Variants in CNTNAP3 observed in about 807,000 individuals in gnomAD.
The protein encoded by CNTNAP3 is contactin associated protein family member 3, also known as contactin-associated protein-like 3.
Under a neutral mutation model 92.1 loss-of-function variants are expected in CNTNAP3, and 36 were observed. That is an observed-to-expected ratio of 0.39 (90% CI 0.30 to 0.52). The LOEUF is 0.52. CNTNAP3 is among the 20% of genes least tolerant of loss of function. The probability of loss-of-function intolerance (pLI) is 0.76; values close to 1 mark genes in which losing one functional copy is unlikely to be tolerated. For synonymous variants in CNTNAP3, 232 were observed against 422.3 expected (o/e 0.55, Z 5.53); for missense variants, 534 against 1,069.6 (o/e 0.50, Z 6.98).
chr9:39,114,722 G>C (rs1329441831), intron 14 of CNTNAP3, among the ~76,000 whole-genome samples: 2 of 152,002 alleles, frequency 1.3e-5, no homozygotes, highest in African/African-American at 2.4e-5. Flanking sequence ...ACACTTGTAT[G>C]CATTTAAACC....
At chr9:39,139,707 T>A (rs1388782451) in intron 12 of CNTNAP3, 1 of 151,966 alleles carries the variant, frequency 6.6e-6, no homozygotes, top group Non-Finnish European at 1.5e-5. Flanking sequence ...GGCATTCTAG[T>A]GCAATCTTCT....
At chr9:39,165,552 ATTTGT>A (rs1300839238) in intron 9 of CNTNAP3, among the ~76,000 whole-genome samples, 8 of 139,300 alleles carry the variant, frequency 5.7e-5, no homozygotes, top group African/African-American at 1.1e-4. Flanking sequence ...AGACAGTACG[ATTTGT>A]TTTGTTTTTA....
chr9:39,147,329 A>C (rs149087183), intron 10 of CNTNAP3, among the ~76,000 whole-genome samples: 22,583 of 151,864 alleles, frequency 0.15, 2,145 homozygotes, highest in East Asian at 0.21. Flanking sequence ...TTTTCAGGAT[A>C]CTTAAAAGTG....
At chr9:39,112,412 T>C (rs139633877) in intron 14 of CNTNAP3, among the ~76,000 whole-genome samples, 15,174 of 151,970 alleles carry the variant, frequency 0.1, 825 homozygotes, top group African/African-American at 0.15. Context: ...GTCGCCCAGG[T>C]TGGAGTGCAA....
At chr9:39,111,779 T>C (rs1826753490) in intron 14 of CNTNAP3, among the ~76,000 whole-genome samples, 1 of 152,138 alleles carries the variant, frequency 6.6e-6, no homozygotes, top group South Asian at 2.1e-4. Context: ...CAATACTGAC[T>C]GTGCAAAATA....
rs1206617495 is a variant in CNTNAP3 at position 39,072,378 on chromosome 9, GTA to G, written c.*1510_*1511del. 6.7e-6 allele frequency among the ~76,000 whole-genome samples: 1 copy of G among 149,474 alleles called. No homozygotes were observed. The highest frequency in any genetic ancestry group is 1.5e-5 in the Non-Finnish European group (1 of 67,688). Reference sequence around the variant, plus strand: ...AGTTGGTATCTGGAATATGAAGAGTGTAGCATCATTGCTTTTATGTAATTGGT... The same window carrying G: ...AGTTGGTATCTGGAATATGAAGAGTGGCATCATTGCTTTTATGTAATTGGT... On this transcript the variant is annotated 3_prime_UTR_variant, in exon 24 of 24. Transcript: ENST00000297668.
intron 14 of CNTNAP3, among the ~76,000 whole-genome samples, chr9:39,115,562 A>T (rs1276938845): frequency 3.8e-5 from 5 of 133,242 alleles, no homozygotes; most frequent in African/African-American, 5.7e-5. Context: ...TTGTGGTCTT[A>T]CTGTTGGATA....
In CNTNAP3 at chr9:39,130,934, C is replaced by T. The variant is rs1176881308; in HGVS notation, c.2080+1998G>A. On this transcript the variant is annotated intron_variant, in intron 13 of 23. Coordinates refer to ENST00000297668, the MANE Select transcript of CNTNAP3 (RefSeq NM_033655.5). ...GGGTGGGGGAACTGCTTAACGGCTA[C>T]TCGGGTTCTCTCTGTTACTTCTCAC... is the stretch of plus-strand genomic sequence containing the variant. 7.3e-5 allele frequency among the ~76,000 whole-genome samples: 11 copies of T among 151,078 alleles called. No individual in the cohort carries two copies. The South Asian group carries it at 1.5e-3, about 21-fold the overall frequency.
At chr9:39,141,950 T>C (rs1423062761) in intron 11 of CNTNAP3, among the ~76,000 whole-genome samples, 1 of 152,180 alleles carries the variant, frequency 6.6e-6, no homozygotes, top group Non-Finnish European at 1.5e-5. Context: ...GTTATACAAT[T>C]AGAAATACAA....
At chr9:39,099,656 G>C in intron 18 of CNTNAP3, among the ~76,000 whole-genome samples, 1 of 152,118 alleles carries the variant, frequency 6.6e-6, no homozygotes, top group Non-Finnish European at 1.5e-5. Context: ...TATTTCAAGA[G>C]GATTAGCATT....
At chr9:39,123,266 T>G (rs1001562856) in intron 13 of CNTNAP3, among the ~76,000 whole-genome samples, 17 of 152,032 alleles carry the variant, frequency 1.1e-4, no homozygotes, top group Non-Finnish European at 4.4e-5. Context: ...GGCTAATTTT[T>G]TGTATTTTTA....
rs1430215110 is a variant in CNTNAP3 at position 39,119,757 on chromosome 9, C to T, written c.2081-1498G>A. Among the ~76,000 whole-genome samples, 3 of 151,932 alleles carry T rather than the reference C, an allele frequency of 2.0e-5. 1 individual carries two copies. Among genetic ancestry groups the T allele is most frequent in the Admixed American group, 1.3e-4 (2 of 15,256 alleles). On this transcript the variant is annotated intron_variant, in intron 13 of 23. Transcript: ENST00000297668. Reference sequence around the variant, plus strand: ...TTCTGGAAATAATACAGAAGACAACCGAAGAGAATTCTGAAAGGTAGAAAG... The same window carrying T: ...TTCTGGAAATAATACAGAAGACAACTGAAGAGAATTCTGAAAGGTAGAAAG...
intron 17 of CNTNAP3, among the ~76,000 whole-genome samples, chr9:39,100,995 G>A (rs1826443740): frequency 6.6e-6 from 1 of 151,020 alleles, no homozygotes; most frequent in Middle Eastern, 3.4e-3. Context: ...TGATTCTGAA[G>A]CCAGTGATTC....
chr9:39,116,880 G>A (rs1820870755), intron 14 of CNTNAP3, among the ~76,000 whole-genome samples: 1 of 152,060 alleles, frequency 6.6e-6, no homozygotes, highest in Non-Finnish European at 1.5e-5. Context: ...TACCATGCAG[G>A]CCAAACAACT....
chr9:39,256,484 G>A (rs1314405582), intron 2 of CNTNAP3, among the ~76,000 whole-genome samples: 2 of 18,702 alleles, frequency 1.1e-4, no homozygotes, highest in African/African-American at 2.4e-4. Context: ...AAAGCGTTGC[G>A]TTTAAAAAAA....
chr9:39,113,817 C>T (rs941658753), intron 14 of CNTNAP3, among the ~76,000 whole-genome samples: 7 of 151,002 alleles, frequency 4.6e-5, no homozygotes, highest in East Asian at 1.9e-4. Context: ...CCTTACTAAA[C>T]GATATATGGC....
At chr9:39,097,541 G>A (rs1826355108) in intron 18 of CNTNAP3, among the ~76,000 whole-genome samples, 1 of 152,020 alleles carries the variant, frequency 6.6e-6, no homozygotes, top group African/African-American at 2.4e-5. Context: ...CTGGAATGAG[G>A]AGTTGGTGTA....
At chr9:39,107,633 G>C (rs1429213406) in intron 15 of CNTNAP3, among the ~76,000 whole-genome samples, 1 of 152,122 alleles carries the variant, frequency 6.6e-6, no homozygotes, top group African/African-American at 2.4e-5. Context: ...TGGAAATGGA[G>C]AACACAGCTG....
chr9:39,074,931 GCTAA>G (rs1489540675), intron 23 of CNTNAP3, among the ~76,000 whole-genome samples: 1 of 152,280 alleles, frequency 6.6e-6, no homozygotes, highest in African/African-American at 2.4e-5. Context: ...ACCGCGCCCG[GCTAA>G]CTTTTTGCAT....
Sources: allele counts gnomAD v4.1 joint callset (sites outside exome capture counted in the v4.1 genomes callset), GRCh38; gene constraint gnomAD v4.1.1; transcripts MANE v1.5; gene names NCBI Gene and HGNC (gene_info 2026-07-23, HGNC 2026-07-21).